Variants in RABL2A observed in about 807,000 individuals in gnomAD.
RABL2A encodes rab-like protein 2A.
In RABL2A, 17 loss-of-function variants were observed where a neutral mutation model predicts 30.7. The ratio of observed to expected loss-of-function variants is 0.55; its 90% confidence interval spans 0.38 to 0.83. The LOEUF (loss-of-function observed/expected upper bound fraction) is 0.83. Among genes scored for constraint, RABL2A ranks in the 40% least tolerant of loss-of-function variants. RABL2A has a pLI of 0.00. For synonymous variants in RABL2A, 64 were observed against 101.8 expected, an observed-to-expected ratio of 0.63 and a Z score of 2.24; for missense variants, 155 against 272.6, an observed-to-expected ratio of 0.57 and a Z score of 3.04.
At chr2:113,637,275 T>C (rs2104734198) in intron 5 of RABL2A, 1 of 795,002 alleles carries the variant, frequency 1.3e-6, no homozygotes, top group South Asian at 5.6e-5. Context: ...CACCCCTTTA[T>C]TTGAAACTCT....
intron 5 of RABL2A, chr2:113,640,008 A>G (rs1410065730): frequency 6.6e-6 from 1 of 152,062 alleles, no homozygotes; most frequent in Admixed American, 6.6e-5. Flanking sequence ...AAAATAATAA[A>G]AAAATAAAAA....
rs142229156 is a variant in RABL2A, at chr2:113,642,091, G to A, written c.652G>A (p.Glu218Lys). 2.1e-3 allele frequency: 3,405 copies of A among 1,613,302 alleles called. 87 individuals are homozygous for A. In the African/African-American group the frequency reaches 0.04, roughly 19 times the overall value. The change falls in exon 9 of 9, where the codon GAG becomes AAG. Residue 218 changes from glutamate to lysine, a missense_variant. Physicochemically the swap from Glu to Lys is moderately conservative, Grantham distance 56. Around this residue, in one of 5 missense-constraint regions of RABL2A, gnomAD observed 24 missense variants for 69.4 expected, o/e 0.35. Coordinates refer to ENST00000683472, the MANE Select transcript of RABL2A (RefSeq NM_001306158.2). The part of the protein sequence containing the change: ...VPDQEQSSSI[E>K]TPSEEVASPH... ...AGACCAGGAACAGAGCAGCAGCATCGAGACCCCATCAGAGGAGGTGGCCTC... is the reference window on the plus strand; with the variant it reads ...AGACCAGGAACAGAGCAGCAGCATCAAGACCCCATCAGAGGAGGTGGCCTC...
intron 5 of RABL2A, among the ~76,000 whole-genome samples, chr2:113,639,435 A>C (rs6719089): frequency 1.8e-3 from 269 of 148,336 alleles, no homozygotes; most frequent in African/African-American, 6.3e-3. Flanking sequence ...CAGCCTGGCC[A>C]ACATGATGAA....
intron 3 of RABL2A, chr2:113,633,200 A>G (rs1681110715): frequency 3.3e-6 from 2 of 604,626 alleles, no homozygotes; most frequent in African/African-American, 1.9e-5. Context: ...AATGGCAAAC[A>G]GCAAATGGTT....
In RABL2A at chr2:113,643,091, T is replaced by G. The variant is rs1685725452; in HGVS notation, c.*962T>G. On this transcript the variant is annotated 3_prime_UTR_variant, in exon 9 of 9. Coordinates refer to ENST00000683472, the MANE Select transcript of RABL2A (RefSeq NM_001306158.2). ...GGAATACACAAGCGGTAAAATCGAG[T>G]CCTTACAGCCATACCACAAGGTACG... is the stretch of plus-strand genomic sequence containing the variant. The G allele has an allele frequency of 2.2e-6, 1 of 449,640 alleles. No individual in the cohort carries two copies. Among genetic ancestry groups the G allele is most frequent in the Non-Finnish European group, 4.4e-6 (1 of 225,156 alleles). 27.9% of individuals were successfully genotyped at this position (449,640 alleles called of 1,614,324 possible). A position where few individuals can be genotyped will look rare whatever the true frequency, so the allele number is the denominator to read the frequency against.
intron 5 of RABL2A, among the ~76,000 whole-genome samples, chr2:113,636,937 C>T (rs1206164289): frequency 2.7e-5 from 4 of 150,820 alleles, no homozygotes; most frequent in African/African-American, 4.9e-5. Flanking sequence ...TGCAGTGAGC[C>T]GAGATCGCGC....
chr2:113,634,708 C>A (rs1003831871), intron 4 of RABL2A: 12 of 437,482 alleles, frequency 2.7e-5, no homozygotes, highest in African/African-American at 2.2e-4. Flanking sequence ...GTGGTCATCG[C>A]ACGTGAGAAG....
rs2592662 is a variant in RABL2A at position 113,634,218 on chromosome 2, A to C, written c.203A>C (p.Lys68Thr). ...LYKHTATVDG[K>T]TILVDFWDTA... Reference sequence around the variant, plus strand: ...AAGCACACAGCCACGGTAGATGGCAAGACCATCCTTGTGGGTAAGTGGCAC... The same window carrying C: ...AAGCACACAGCCACGGTAGATGGCACGACCATCCTTGTGGGTAAGTGGCAC... The change falls in exon 4 of 9, where the codon AAG (lysine) becomes ACG (threonine). Residue 68 changes from lysine (K) to threonine (T), a missense_variant. This residue lies in a region of RABL2A where 82 missense variants were observed against 103.2 expected (regional missense o/e 0.79). Coordinates refer to ENST00000683472, the MANE Select transcript of RABL2A (RefSeq NM_001306158.2). 2 of 1,612,876 alleles carry C rather than the reference A, an allele frequency of 1.2e-6. No homozygotes were observed. Among genetic ancestry groups the C allele is most frequent in the Non-Finnish European group, 1.7e-6 (2 of 1,179,386 alleles).
chr2:113,628,903 G>A (rs1432741642), intron 2 of RABL2A, among the ~76,000 whole-genome samples, 190 bp downstream of exon 2: 1 of 152,124 alleles, frequency 6.6e-6, no homozygotes, highest in East Asian at 1.9e-4. Flanking sequence ...GAGGGGGCAG[G>A]TCATAAGGAC....
chr2:113,637,008 A>T (rs1683121140), intron 5 of RABL2A, among the ~76,000 whole-genome samples: 2 of 141,174 alleles, frequency 1.4e-5, no homozygotes, highest in African/African-American at 5.8e-5. Flanking sequence ...AAAAAAATAA[A>T]AAAATAAAGT....
At chr2:113,640,312 C>G (rs1365708967) in intron 5 of RABL2A, 1 of 153,304 alleles carries the variant, frequency 6.5e-6, no homozygotes, top group African/African-American at 2.4e-5. Flanking sequence ...CAAATTGATT[C>G]CATTTATGAT....
At chr2:113,637,935 G>T (rs1433458315) in intron 5 of RABL2A, 1 of 985,272 alleles carries the variant, frequency 1.0e-6, no homozygotes, top group Non-Finnish European at 1.2e-6. Context: ...CTGCTGCACG[G>T]GCCCTGGCAA....
chr2:113,635,859 C>T (rs1682457488), intron 5 of RABL2A, among the ~76,000 whole-genome samples: 1 of 150,406 alleles, frequency 6.6e-6, no homozygotes, highest in African/African-American at 2.5e-5. Flanking sequence ...GTAATCCCAG[C>T]ACTTTGGGAG....
At chr2:113,631,993 C>T (rs1573975480) in intron 2 of RABL2A, among the ~76,000 whole-genome samples, 1 of 152,026 alleles carries the variant, frequency 6.6e-6, no homozygotes, top group East Asian at 1.9e-4. Flanking sequence ...CCTCCTTTTA[C>T]AATTCAAGCT....
At position 113,640,888 on chromosome 2, in the gene RABL2A, T is replaced by C; in HGVS notation, c.298-6T>C. The C allele has an allele frequency of 1.9e-6, 3 of 1,613,928 alleles. No individual in the cohort carries two copies. The highest frequency in any genetic ancestry group is 2.5e-6 in the Non-Finnish European group (3 of 1,179,852). On this transcript the variant is annotated splice_polypyrimidine_tract_variant and splice_region_variant and intron_variant, in intron 5 of 8. Transcript: ENST00000683472. The stretch of plus-strand genomic sequence containing the variant: ...TGAGCTATCTTTCTTCCTCTGCCCT[T>C]TGCAGGTGTTTGATATACAGAGGAA...
Position 113,632,247 on chromosome 2 carries a change from A to G in RABL2A, c.108-668A>G, listed in dbSNP as rs1239813715. On this transcript the variant is annotated intron_variant, in intron 2 of 8. Transcript: ENST00000683472. ...AATGGCCAGTGGCTAGAACAGAGGG[A>G]GAGAAAAGAAATGGGAGAGTTTGAA... Among the ~76,000 whole-genome samples, 3 of 152,344 alleles carry G rather than the reference A, an allele frequency of 2.0e-5. No individual in the cohort carries two copies. The East Asian group carries it at 5.8e-4, about 29-fold the overall frequency.
At chr2:113,641,201 G>A (rs1685009043) in intron 6 of RABL2A, 152 bp from the exon 7 acceptor site, 2 of 1,304,236 alleles carry the variant, frequency 1.5e-6, no homozygotes, top group East Asian at 2.4e-5. Context: ...CTCTTTCCAA[G>A]ACACAGATCC....
intron 5 of RABL2A, chr2:113,638,371 C>T (rs1683752700): frequency 1.0e-6 from 1 of 985,414 alleles, no homozygotes; most frequent in Non-Finnish European, 1.2e-6. Context: ...GAAGTGAGGT[C>T]AGCTGTGCCA....
At chr2:113,635,387 T>A (rs1395764348) in intron 5 of RABL2A, 3 of 536,452 alleles carry the variant, frequency 5.6e-6, no homozygotes, top group Admixed American at 6.3e-5. Context: ...AGGTGTAGCA[T>A]CCAAGAGGCA....
Sources: allele counts gnomAD v4.1 joint callset (sites outside exome capture counted in the v4.1 genomes callset), GRCh38; gene constraint gnomAD v4.1.1; regional missense constraint gnomAD v4.1.1; transcripts MANE v1.5; gene names NCBI Gene and HGNC (gene_info 2026-07-23, HGNC 2026-07-21).